The following RB1 variants were observed in gnomAD, a reference collection of about 807,000 sequenced individuals.
RB1 encodes retinoblastoma-associated protein.
RB1 carries 18 observed loss-of-function variants against 135.4 expected under a neutral mutation model. That is an observed-to-expected ratio of 0.13 (90% CI 0.09 to 0.20). The LOEUF (loss-of-function observed/expected upper bound fraction) is 0.20, where lower values mean the gene tolerates loss of function less well. RB1 is among the 10% of genes least tolerant of loss of function. RB1 has a pLI of 1.00. For missense variants in RB1, 868 were observed against 1,110.0 expected (o/e 0.78, Z 3.10); for synonymous variants, 365 against 373.2 (o/e 0.98, Z 0.25).
At chr13:48,450,805 A>G (rs1949322289) in intron 17 of RB1, among the ~76,000 whole-genome samples, 1 of 152,196 alleles carries the variant, frequency 6.6e-6, no homozygotes, top group African/African-American at 2.4e-5. Context: ...GATTCTTTCT[A>G]TCCATAAGCA....
intron 11 of RB1, among the ~76,000 whole-genome samples, chr13:48,372,539 T>A (rs2138129343): frequency 6.6e-6 from 1 of 151,764 alleles, no homozygotes; most frequent in South Asian, 2.1e-4. Context: ...TAATCCCAGA[T>A]AATCAGGAGG....
rs116415900 is a variant in RB1, at chr13:48,311,287, A to G, written c.264+3881A>G. On this transcript the variant is annotated intron_variant, in intron 2 of 26. Transcript: ENST00000267163. ...GGGATATATTGCTCTTGATAGAACC[A>G]CTTACTTATTTTTGTGATATGGTGG... 7.4e-3 allele frequency among the ~76,000 whole-genome samples: 1,128 copies of G among 152,302 alleles called. 17 individuals carry two copies. Among genetic ancestry groups the G allele is most frequent in the African/African-American group, 0.026 (1,079 of 41,546 alleles).
At chr13:48,473,168 C>G (rs1016161877) in intron 23 of RB1, among the ~76,000 whole-genome samples, 192 bp from the exon 24 acceptor site, 1 of 152,098 alleles carries the variant, frequency 6.6e-6, no homozygotes, top group African/African-American at 2.4e-5. Flanking sequence ...AACTAAGAGA[C>G]TAGGTGAGTA....
intron 17 of RB1, among the ~76,000 whole-genome samples, chr13:48,452,481 T>C (rs753614035): frequency 2.6e-5 from 4 of 152,262 alleles, no homozygotes; most frequent in Non-Finnish European, 4.4e-5. Flanking sequence ...TTTATTGATA[T>C]AAAATTATTC....
intron 17 of RB1, among the ~76,000 whole-genome samples, chr13:48,430,020 A>G (rs1290051786): frequency 6.6e-6 from 1 of 152,200 alleles, no homozygotes; most frequent in Non-Finnish European, 1.5e-5. Context: ...TGTTTTTACA[A>G]GTTTGTTCAC....
Position 48,459,889 on chromosome 13 carries a change from C to G in RB1, c.2106+56C>G. The G allele has an allele frequency of 1.6e-5, 4 of 251,986 alleles. 2 individuals are homozygous for G. Among genetic ancestry groups the G allele is most frequent in the Non-Finnish European group, 2.6e-5 (4 of 151,528 alleles). 15.6% of individuals were successfully genotyped at this position (251,986 alleles called of 1,614,324 possible). On this transcript the variant is annotated intron_variant, in intron 20 of 26. Coordinates refer to ENST00000267163, the MANE Select transcript of RB1 (RefSeq NM_000321.3). ...CTCCCTACTTACTTGTTAACTGATT[C>G]TTTCTTTCTTTCTTTCTTTCTTTCT... is the stretch of plus-strand genomic sequence containing the variant.
At chr13:48,460,557 AG>A (rs1257409330) in intron 20 of RB1, among the ~76,000 whole-genome samples, 1 of 152,260 alleles carries the variant, frequency 6.6e-6, no homozygotes, top group Non-Finnish European at 1.5e-5. Context: ...CTTAAGAATC[AG>A]TTGATTTAAA....
intron 17 of RB1, chr13:48,415,675 T>C (rs1593490389): frequency 2.6e-5 from 4 of 152,232 alleles, no homozygotes; most frequent in Non-Finnish European, 5.9e-5. Context: ...ATCAGTATCA[T>C]AGTAAATGTT....
chr13:48,377,306 A>G lies in RB1; in HGVS notation c.1332+272A>G, dbSNP rs199654639. Among the ~76,000 whole-genome samples the G allele has an allele frequency of 4.6e-5, 7 of 152,312 alleles. No homozygotes were observed. The East Asian group carries it at 9.6e-4, about 21-fold the overall frequency. On this transcript the variant is annotated intron_variant, in intron 13 of 26. Transcript: ENST00000267163. ...ACTAAGAAAAAAATTGAAATCTTTG[A>G]TATTAAATTTTTGATTTTGCTTTGA...
At chr13:48,366,847 G>A (rs1042539075) in intron 9 of RB1, among the ~76,000 whole-genome samples, 2 of 152,072 alleles carry the variant, frequency 1.3e-5, no homozygotes, top group Admixed American at 6.5e-5. Context: ...GGCTGGGCGC[G>A]GTGGCTCACG....
rs762904667 is a variant in RB1, at chr13:48,376,902, T to G, written c.1216-16T>G. The G allele has an allele frequency of 7.4e-6, 12 of 1,613,110 alleles. No homozygotes were observed. The African/African-American group carries it at 1.6e-4, about 22-fold the overall frequency. ...ACAGTATCCTCGACATTGATTTCTG[T>G]TTTTACCTCCTAAAGAACTGCACAG... On this transcript the variant is annotated splice_polypyrimidine_tract_variant and intron_variant, in intron 12 of 26. Coordinates refer to ENST00000267163, the MANE Select transcript of RB1 (RefSeq NM_000321.3).
chr13:48,465,696 T>C (rs1461442956), intron 23 of RB1, among the ~76,000 whole-genome samples: 4 of 151,236 alleles, frequency 2.6e-5, no homozygotes, highest in Admixed American at 1.3e-4. Flanking sequence ...GGCCAGTGTG[T>C]GTGCGCACCG....
intron 23 of RB1, among the ~76,000 whole-genome samples, chr13:48,472,515 G>GT (rs555867360): frequency 6.6e-6 from 1 of 151,852 alleles, no homozygotes; most frequent in Non-Finnish European, 1.5e-5. Flanking sequence ...TACTTAGGTA[G>GT]TTTTTTTTAA....
At chr13:48,355,105 G>A (rs1952579121) in intron 6 of RB1, among the ~76,000 whole-genome samples, 1 of 151,812 alleles carries the variant, frequency 6.6e-6, no homozygotes, top group Admixed American at 6.6e-5. Context: ...CACAGCAAAG[G>A]ATACAATGAA....
At chr13:48,452,371 T>C (rs952747772) in intron 17 of RB1, among the ~76,000 whole-genome samples, 8 of 152,176 alleles carry the variant, frequency 5.3e-5, no homozygotes, top group African/African-American at 1.7e-4. Context: ...TCAAATTATT[T>C]AATAGTTGCA....
intron 17 of RB1, chr13:48,412,315 C>T (rs1312595878): frequency 6.2e-7 from 1 of 1,613,040 alleles, no homozygotes; most frequent in East Asian, 2.2e-5. Flanking sequence ...TATATGGCAA[C>T]ACAATTGGAT....
intron 24 of RB1, 89 bp downstream of exon 24, chr13:48,473,479 A>C (rs1249486357): frequency 6.0e-6 from 7 of 1,164,454 alleles, no homozygotes; most frequent in Non-Finnish European, 8.9e-6. Flanking sequence ...TTCCAAATGC[A>C]GTTATTCAAA....
At chr13:48,459,918 T>TTTCCTTCTTTCC (rs1566235711) in intron 20 of RB1, 85 bp downstream of exon 20, 25 of 488,164 alleles carry the variant, frequency 5.1e-5, no homozygotes, top group Middle Eastern at 3.7e-4. Flanking sequence ...TCTTTCTTTC[T>TTTCCTTCTTTCC]TTCTTTCTTT....
chr13:48,418,482 T>C (rs1195681841), intron 17 of RB1, among the ~76,000 whole-genome samples: 1 of 152,086 alleles, frequency 6.6e-6, no homozygotes, highest in East Asian at 1.9e-4. Context: ...CATCAACTAA[T>C]GGGCAAACTA....
Sources: gnomAD v4.1 joint callset for allele counts (sites outside exome capture counted in the v4.1 genomes callset) on GRCh38, gnomAD v4.1.1 for gene constraint, MANE v1.5 for transcripts, NCBI Gene and HGNC (gene_info 2026-07-23, HGNC 2026-07-21) for gene names.